Variants in ADAMTS19 observed in about 807,000 individuals in gnomAD.
ADAMTS19 encodes the protein ADAM metallopeptidase with thrombospondin type 1 motif 19.
In ADAMTS19, 93 loss-of-function variants were observed where a neutral mutation model predicts 153.3. The ratio of observed to expected loss-of-function variants is 0.61; its 90% confidence interval spans 0.51 to 0.72. ADAMTS19 has a LOEUF of 0.72. Among genes scored for constraint, ADAMTS19 ranks in the 30% least tolerant of loss-of-function variants. The pLI, the probability that ADAMTS19 is intolerant of heterozygous loss-of-function variation, is 0.00. For synonymous variants in ADAMTS19, 600 were observed against 556.6 expected, an observed-to-expected ratio of 1.08 and a Z score of -1.10; for missense variants, 1,482 against 1,552.1, an observed-to-expected ratio of 0.95 and a Z score of 0.76.
chr5:129,648,130 A>T (rs574126281), intron 12 of ADAMTS19, among the ~76,000 whole-genome samples: 46 of 152,346 alleles, frequency 3.0e-4, no homozygotes, highest in African/African-American at 1.1e-3. Flanking sequence ...TCTTGAGTAA[A>T]TCTATAAAAT....
chr5:129,570,886 A>T (rs1323079314), intron 7 of ADAMTS19, among the ~76,000 whole-genome samples: 3 of 151,750 alleles, frequency 2.0e-5, no homozygotes, highest in Non-Finnish European at 4.4e-5. Flanking sequence ...GGTTTAAAAA[A>T]CTCTCAGAAG....
chr5:129,582,218 G>A (rs990274459), intron 7 of ADAMTS19, among the ~76,000 whole-genome samples: 3 of 149,900 alleles, frequency 2.0e-5, no homozygotes, highest in African/African-American at 4.9e-5. Flanking sequence ...CACTATGGTT[G>A]TGTGGGAGTC....
At chr5:129,488,315 T>C (rs899878853) in intron 2 of ADAMTS19, among the ~76,000 whole-genome samples, 6 of 152,098 alleles carry the variant, frequency 3.9e-5, no homozygotes, top group Admixed American at 1.3e-4. Flanking sequence ...ATTTGTAAGA[T>C]AGGAAAGAGT....
chr5:129,604,248 A>G (rs1353115442), intron 8 of ADAMTS19, among the ~76,000 whole-genome samples: 1 of 152,170 alleles, frequency 6.6e-6, no homozygotes, highest in Non-Finnish European at 1.5e-5. Flanking sequence ...CCCAGAACTT[A>G]AAAAATACCA....
intron 7 of ADAMTS19, among the ~76,000 whole-genome samples, chr5:129,579,834 T>C (rs975938484): frequency 1.3e-5 from 2 of 152,208 alleles, no homozygotes; most frequent in Admixed American, 1.3e-4. Context: ...TTTTGATTAC[T>C]ATAGCCTTCT....
intron 19 of ADAMTS19, among the ~76,000 whole-genome samples, chr5:129,700,925 T>C (rs1755811605): frequency 6.6e-6 from 1 of 151,864 alleles, no homozygotes; most frequent in Non-Finnish European, 1.5e-5. Flanking sequence ...GTATAAAGTC[T>C]CCATGTAACA....
intron 21 of ADAMTS19, among the ~76,000 whole-genome samples, chr5:129,733,936 AGTGTGTGCGT>A (rs1256819954): frequency 5.6e-4 from 81 of 143,460 alleles, no homozygotes; most frequent in African/African-American, 2.0e-3. Flanking sequence ...GGATAAAGCA[AGTGTGTGCGT>A]GTGTGTGTGT....
intron 7 of ADAMTS19, among the ~76,000 whole-genome samples, chr5:129,591,724 A>G (rs1264309273): frequency 1.3e-5 from 2 of 152,132 alleles, no homozygotes; most frequent in African/African-American, 2.4e-5. Context: ...CAGTCATAGG[A>G]CCAGTAATTA....
chr5:129,705,484 G>T (rs1341994858), intron 21 of ADAMTS19, among the ~76,000 whole-genome samples: 1 of 152,030 alleles, frequency 6.6e-6, no homozygotes, highest in African/African-American at 2.4e-5. Context: ...TATTAATATT[G>T]CATCTGAGTT....
At chr5:129,678,511 G>C (rs1754653512) in intron 16 of ADAMTS19, among the ~76,000 whole-genome samples, 1 of 151,850 alleles carries the variant, frequency 6.6e-6, no homozygotes. Context: ...AACTTTGAAT[G>C]TTGCCTGAGT....
At chr5:129,587,065 T>TTAAC (rs10650245) in intron 7 of ADAMTS19, among the ~76,000 whole-genome samples, 114,782 of 151,536 alleles carry the variant, frequency 0.76, 45,177 homozygotes, top group Non-Finnish European at 0.88. Flanking sequence ...GTATTTTAAA[T>TTAAC]TAATCCAGGA....
intron 7 of ADAMTS19, among the ~76,000 whole-genome samples, chr5:129,574,837 T>G (rs1165089439): frequency 6.8e-6 from 1 of 146,866 alleles, no homozygotes; most frequent in Non-Finnish European, 1.5e-5. Flanking sequence ...TCAGAAATTT[T>G]TTTAAGTATC....
intron 3 of ADAMTS19, among the ~76,000 whole-genome samples, chr5:129,522,515 CATTA>C (rs752039350): frequency 1.5e-4 from 23 of 151,204 alleles, no homozygotes; most frequent in Middle Eastern, 3.4e-3. Context: ...GGAATATTTG[CATTA>C]ATTGTTACAA....
intron 7 of ADAMTS19, among the ~76,000 whole-genome samples, chr5:129,560,993 G>A (rs1291158715): frequency 6.6e-6 from 1 of 152,116 alleles, no homozygotes; most frequent in East Asian, 1.9e-4. Flanking sequence ...AGATTTTTAT[G>A]TAGGTTACAT....
intron 7 of ADAMTS19, among the ~76,000 whole-genome samples, chr5:129,589,307 C>T (rs986942988): frequency 6.6e-6 from 1 of 151,474 alleles, no homozygotes; most frequent in Non-Finnish European, 1.5e-5. Context: ...TTTTTTGTAG[C>T]ACTTTTTTTA....
Position 129,460,427 on chromosome 5 carries a change from C to G in ADAMTS19, c.36C>G (p.Ile12Met). The G allele has an allele frequency of 3.7e-6, 6 of 1,613,958 alleles. No individual in the cohort carries two copies. The highest frequency in any genetic ancestry group is 5.1e-6 in the Non-Finnish European group (6 of 1,179,924). The change falls in exon 1 of 23, where the codon ATC becomes ATG. Residue 12 changes from isoleucine (I) to methionine (M), a missense_variant. By Grantham distance (10) the Ile-to-Met change is conservative (BLOSUM62 1). Transcript: ENST00000274487. ...ACCGCGAGATGCGCCTGACTCACAT[C>G]TGCTGCTGCTGCCTCCTTTACCAGC... is the stretch of plus-strand genomic sequence containing the variant. ...GKNREMRLTHICCCCLLYQLG... is the reference protein window; with the variant it reads ...GKNREMRLTHMCCCCLLYQLG...
chr5:129,731,160 T>C (rs1292547946), intron 21 of ADAMTS19, among the ~76,000 whole-genome samples: 5 of 152,146 alleles, frequency 3.3e-5, no homozygotes, highest in Non-Finnish European at 5.9e-5. Flanking sequence ...GGTTTCGCCA[T>C]GTTGGACAGG....
chr5:129,644,212 A>G (rs1176941972), intron 11 of ADAMTS19, among the ~76,000 whole-genome samples: 1 of 152,208 alleles, frequency 6.6e-6, no homozygotes, highest in Non-Finnish European at 1.5e-5. Context: ...AATGCTTTGT[A>G]TATTGAAATA....
intron 10 of ADAMTS19, among the ~76,000 whole-genome samples, chr5:129,638,413 T>C (rs1752625742): frequency 6.6e-6 from 1 of 152,148 alleles, no homozygotes; most frequent in African/African-American, 2.4e-5. Flanking sequence ...TTATCTTTTA[T>C]GCCCTCATTT....
Sources: allele counts gnomAD v4.1 joint callset (sites outside exome capture counted in the v4.1 genomes callset), GRCh38; gene constraint gnomAD v4.1.1; transcripts MANE v1.5; gene names NCBI Gene and HGNC (gene_info 2026-07-23, HGNC 2026-07-21).